The following GPM6A variants were observed in gnomAD, a reference collection of about 807,000 sequenced individuals.
GPM6A encodes the protein neuronal membrane glycoprotein M6-a.
A neutral mutation model predicts 32.1 loss-of-function variants in GPM6A; 7 were observed. The observed-to-expected ratio is 0.22, with a 90% CI of 0.12 to 0.41. The LOEUF (loss-of-function observed/expected upper bound fraction) is 0.41, where lower values mean the gene tolerates loss of function less well. GPM6A is among the 10% of genes least tolerant of loss of function. The probability of loss-of-function intolerance (pLI) is 1.00; values close to 1 mark genes in which losing one functional copy is unlikely to be tolerated. For missense variants in GPM6A, 235 were observed against 347.2 expected, an observed-to-expected ratio of 0.68 and a Z score of 2.57; for synonymous variants, 130 against 123.4, an observed-to-expected ratio of 1.05 and a Z score of -0.35.
At chr4:175,729,724 T>C (rs905371451) in intron 1 of GPM6A, among the ~76,000 whole-genome samples, 1 of 148,586 alleles carries the variant, frequency 6.7e-6, no homozygotes, top group Non-Finnish European at 1.5e-5. Flanking sequence ...ACACTCACTA[T>C]GTATCCAAAC....
intron 1 of GPM6A, among the ~76,000 whole-genome samples, chr4:175,902,980 T>A (rs575392731): frequency 1.3e-5 from 2 of 152,122 alleles, no homozygotes; most frequent in Non-Finnish European, 2.9e-5. Flanking sequence ...AATATGTACA[T>A]ATGTTTTCTA....
chr4:175,713,813 C>G lies in GPM6A; in HGVS notation c.38-12046G>C, dbSNP rs73004343. 5.0e-3 allele frequency among the ~76,000 whole-genome samples: 763 copies of G among 152,246 alleles called. 8 individuals are homozygous for G. The highest frequency in any genetic ancestry group is 0.017 in the African/African-American group (721 of 41,542). ...TATCCTCTAGTACAAAATGGAGGAG[C>G]ATTTTCACTGCATTTTTTGCTGAAT... On this transcript the variant is annotated intron_variant, in intron 1 of 6. Transcript: ENST00000393658.
intron 1 of GPM6A, among the ~76,000 whole-genome samples, chr4:175,771,864 G>A (rs1395357973): frequency 5.9e-5 from 9 of 152,252 alleles, no homozygotes; most frequent in African/African-American, 2.2e-4. Context: ...GCCATAGTCT[G>A]ATCAAATCCA....
chr4:175,825,270 T>C (rs1560952766), intron 1 of GPM6A, among the ~76,000 whole-genome samples: 1 of 152,214 alleles, frequency 6.6e-6, no homozygotes, highest in Non-Finnish European at 1.5e-5. Context: ...ACAGCAAAAG[T>C]ATATTTCATG....
At chr4:175,905,655 G>A (rs1265133426) in intron 1 of GPM6A, among the ~76,000 whole-genome samples, 8 of 152,060 alleles carry the variant, frequency 5.3e-5, no homozygotes, top group African/African-American at 1.2e-4. Context: ...AGTTGCCTTC[G>A]GCTCAAAATA....
intron 1 of GPM6A, among the ~76,000 whole-genome samples, chr4:175,949,463 C>T (rs539048711): frequency 4.1e-4 from 62 of 152,054 alleles, no homozygotes; most frequent in African/African-American, 1.4e-3. Flanking sequence ...CAACACCTGA[C>T]CAAAAGTCAA....
intron 1 of GPM6A, chr4:175,787,511 C>T: frequency 6.8e-7 from 1 of 1,463,806 alleles, no homozygotes; most frequent in Non-Finnish European, 9.0e-7. Flanking sequence ...CTTTTTGTTC[C>T]ACCTTTAGGT....
chr4:175,888,860 A>C (rs1380470209), intron 1 of GPM6A, among the ~76,000 whole-genome samples: 1 of 152,162 alleles, frequency 6.6e-6, no homozygotes, highest in Non-Finnish European at 1.5e-5. Flanking sequence ...ACGGTAACAT[A>C]AAGATCTACA....
chr4:175,867,685 G>C (rs1315394278), intron 1 of GPM6A, among the ~76,000 whole-genome samples: 1 of 152,106 alleles, frequency 6.6e-6, no homozygotes, highest in Admixed American at 6.5e-5. Context: ...GTCTTGATTA[G>C]TGTTGCATTG....
intron 4 of GPM6A, among the ~76,000 whole-genome samples, chr4:175,648,709 T>C (rs1284416322): frequency 6.6e-6 from 1 of 152,218 alleles, no homozygotes; most frequent in East Asian, 1.9e-4. Context: ...GCCTTGGCTC[T>C]TGGCCCCTTT....
chr4:175,925,047 T>A (rs1369538081), intron 1 of GPM6A, among the ~76,000 whole-genome samples: 1 of 152,182 alleles, frequency 6.6e-6, no homozygotes, highest in Non-Finnish European at 1.5e-5. Context: ...AAATTAATAA[T>A]GAATATGTAA....
chr4:175,664,923 G>A (rs1008780537), intron 3 of GPM6A, among the ~76,000 whole-genome samples: 3 of 150,838 alleles, frequency 2.0e-5, no homozygotes, highest in African/African-American at 7.3e-5. Flanking sequence ...ACATGGTATA[G>A]CCTATTGTTC....
At chr4:175,716,807 T>A (rs1745865861) in intron 1 of GPM6A, among the ~76,000 whole-genome samples, 2 of 152,192 alleles carry the variant, frequency 1.3e-5, no homozygotes, top group African/African-American at 2.4e-5. Context: ...CTTAAAGGAA[T>A]TTATGATCAC....
chr4:175,970,839 G>T (rs769666690), intron 1 of GPM6A: 3 of 454,474 alleles, frequency 6.6e-6, no homozygotes, highest in Non-Finnish European at 8.8e-6. Context: ...GTCAGAAGAA[G>T]AAATCTTCCG....
intron 1 of GPM6A, among the ~76,000 whole-genome samples, chr4:175,943,310 A>G (rs1197409822): frequency 6.6e-6 from 1 of 152,202 alleles, no homozygotes; most frequent in Non-Finnish European, 1.5e-5. Flanking sequence ...TAAATATGCA[A>G]TCATGTCATC....
At chr4:175,865,876 T>C (rs1293516093) in intron 1 of GPM6A, among the ~76,000 whole-genome samples, 2 of 152,170 alleles carry the variant, frequency 1.3e-5, no homozygotes, top group Admixed American at 6.6e-5. Context: ...AAAAAACAGT[T>C]TGTGTGGAAC....
chr4:175,938,536 G>A (rs1314913811), intron 1 of GPM6A, among the ~76,000 whole-genome samples: 5 of 152,006 alleles, frequency 3.3e-5, no homozygotes, highest in African/African-American at 7.2e-5. Flanking sequence ...TTTGTGGGCT[G>A]CATAAATGTC....
intron 1 of GPM6A, among the ~76,000 whole-genome samples, chr4:175,821,206 T>C (rs1036475274): frequency 2.6e-4 from 40 of 152,206 alleles, no homozygotes; most frequent in African/African-American, 8.4e-4. Flanking sequence ...GTATTAATTA[T>C]ATATCTTAAT....
chr4:175,838,443 G>A (rs1735838717), intron 1 of GPM6A, among the ~76,000 whole-genome samples: 1 of 150,766 alleles, frequency 6.6e-6, no homozygotes, highest in Admixed American at 6.6e-5. Context: ...AAGGAAAGCT[G>A]CAACTTTTTT....
Sources: allele counts gnomAD v4.1 joint callset (sites outside exome capture counted in the v4.1 genomes callset), GRCh38; gene constraint gnomAD v4.1.1; transcripts MANE v1.5; gene names NCBI Gene and HGNC (gene_info 2026-07-23, HGNC 2026-07-21).